The following ICA1L variants were observed in gnomAD, a reference collection of about 807,000 sequenced individuals.
ICA1L encodes islet cell autoantigen 1 like.
Under a neutral mutation model 61.3 loss-of-function variants are expected in ICA1L, and 50 were observed. That is an observed-to-expected ratio of 0.82 (90% CI 0.65 to 1.03). The LOEUF (loss-of-function observed/expected upper bound fraction) is 1.03, where lower values mean the gene tolerates loss of function less well. Ranked by LOEUF, ICA1L falls within the 50% of genes least tolerant of loss-of-function variation. The pLI is 0.00. For synonymous variants in ICA1L, 161 were observed against 191.3 expected (o/e 0.84, Z 1.31); for missense variants, 508 against 556.7 (o/e 0.91, Z 0.88).
intron 1 of ICA1L, among the ~76,000 whole-genome samples, chr2:202,853,962 T>C (rs1694701474): frequency 2.0e-5 from 3 of 152,086 alleles, no homozygotes; most frequent in Admixed American, 1.3e-4. Context: ...AGACCAATGA[T>C]ACTACGAAGA....
At chr2:202,863,752 G>A (rs140447331) in intron 1 of ICA1L, among the ~76,000 whole-genome samples, 3,581 of 151,544 alleles carry the variant, frequency 0.024, 145 homozygotes, top group African/African-American at 0.082. Flanking sequence ...GCATGAACCC[G>A]GGAGGCGGAG....
At chr2:202,837,378 G>T (rs1325275514) in intron 1 of ICA1L, among the ~76,000 whole-genome samples, 1 of 151,798 alleles carries the variant, frequency 6.6e-6, no homozygotes, top group Non-Finnish European at 1.5e-5. Flanking sequence ...CCACCTCCCG[G>T]GTTCACGCCA....
intron 1 of ICA1L, among the ~76,000 whole-genome samples, chr2:202,832,661 C>T (rs1043336216): frequency 1.3e-5 from 2 of 151,976 alleles, no homozygotes; most frequent in Admixed American, 1.3e-4. Context: ...CACCTGTAAT[C>T]CCAGCATTTT....
intron 1 of ICA1L, among the ~76,000 whole-genome samples, chr2:202,839,781 G>T (rs1360613831): frequency 5.3e-5 from 8 of 151,502 alleles, no homozygotes; most frequent in Non-Finnish European, 1.0e-4. Context: ...TTCCTTTCAT[G>T]CCTTCTTCCT....
intron 12 of ICA1L, 25 bp from the exon 13 acceptor site, chr2:202,779,673 T>G (rs747329719): frequency 7.7e-7 from 1 of 1,292,272 alleles, no homozygotes; most frequent in Non-Finnish European, 1.1e-6. Flanking sequence ...AAAAAATACA[T>G]TAAAGAGATT....
intron 5 of ICA1L, among the ~76,000 whole-genome samples, chr2:202,817,802 G>T (rs562273733): frequency 6.6e-6 from 1 of 152,246 alleles, no homozygotes; most frequent in Non-Finnish European, 1.5e-5. Context: ...AAAGCAAATA[G>T]TTTTTTAAAA....
intron 1 of ICA1L, chr2:202,840,323 G>A: frequency 2.1e-6 from 1 of 472,160 alleles, no homozygotes; most frequent in Non-Finnish European, 4.2e-6. Flanking sequence ...AGGAGCTGCT[G>A]CAGCTGTTCA....
chr2:202,795,541 GC>G (rs1692899539), intron 10 of ICA1L, among the ~76,000 whole-genome samples: 1 of 151,736 alleles, frequency 6.6e-6, no homozygotes, highest in Non-Finnish European at 1.5e-5. Context: ...GTTGCAGTGA[GC>G]CAAGATTGCA....
intron 1 of ICA1L, 75 bp from the exon 2 acceptor site, chr2:202,829,091 G>T: frequency 8.0e-7 from 1 of 1,256,094 alleles, no homozygotes; most frequent in Non-Finnish European, 1.1e-6. Flanking sequence ...GCTCACGCCT[G>T]TAATTCCACA....
At chr2:202,845,647 C>T (rs1303515846) in intron 1 of ICA1L, among the ~76,000 whole-genome samples, 1 of 151,242 alleles carries the variant, frequency 6.6e-6, no homozygotes, top group Non-Finnish European at 1.5e-5. Context: ...AAAAGGAATA[C>T]TTTATTCCTT....
intron 10 of ICA1L, among the ~76,000 whole-genome samples, chr2:202,792,680 C>A (rs1026742501): frequency 2.6e-5 from 4 of 152,050 alleles, no homozygotes; most frequent in Non-Finnish European, 4.4e-5. Flanking sequence ...GTGACACACG[C>A]CTGTAGTCCC....
intron 3 of ICA1L, among the ~76,000 whole-genome samples, chr2:202,824,274 GC>G (rs1693774404): frequency 6.6e-6 from 1 of 152,058 alleles, no homozygotes. Context: ...GGTGGCAGGT[GC>G]CTGTAATCCC....
chr2:202,864,627 A>ATATGTGTGTGTGTGTGTG (rs1553539140), intron 1 of ICA1L, among the ~76,000 whole-genome samples: 6 of 150,286 alleles, frequency 4.0e-5, no homozygotes, highest in Non-Finnish European at 8.9e-5. Flanking sequence ...GTATATATAT[A>ATATGTGTGTGTGTGTGTG]TGTGTGTGTG....
intron 1 of ICA1L, among the ~76,000 whole-genome samples, chr2:202,859,253 T>C (rs1016288144): frequency 2.6e-5 from 4 of 152,214 alleles, no homozygotes; most frequent in African/African-American, 7.2e-5. Flanking sequence ...TAGATTATAA[T>C]TGAATTCAGA....
rs1178726643 is a variant in ICA1L at position 202,778,664 on chromosome 2, A to T, written c.*869T>A. The T allele has an allele frequency of 6.6e-6, 1 of 152,608 alleles. No individual in the cohort carries two copies. The highest frequency in any genetic ancestry group is 2.4e-5 in the African/African-American group (1 of 41,456). The allele number at this position is 152,608 out of a possible 1,614,324, so 9.5% of individuals were successfully genotyped here. On this transcript the variant is annotated 3_prime_UTR_variant, in exon 13 of 13. Coordinates refer to ENST00000358299, the MANE Select transcript of ICA1L (RefSeq NM_001288622.3). ...AATACTATTGCCAGTTGCTTAGGGA[A>T]TATTCTCCCCTCATTTTATTTTCAG...
At chr2:202,859,947 A>C (rs1694866525) in intron 1 of ICA1L, among the ~76,000 whole-genome samples, 1 of 152,096 alleles carries the variant, frequency 6.6e-6, no homozygotes, top group Admixed American at 6.6e-5. Flanking sequence ...AGACCCTGTA[A>C]AATTAAGGGA....
rs543949481 is a variant in ICA1L at position 202,782,155 on chromosome 2, G to A, written c.1334-2507C>T. On this transcript the variant is annotated intron_variant, in intron 12 of 12. Transcript: ENST00000358299. ...GAGGTCAGGAATTTGAGACCAGCCT[G>A]GACAACATGGTGAAAACCCGTCCCT... Among the ~76,000 whole-genome samples the A allele has an allele frequency of 5.9e-5, 9 of 152,150 alleles. No homozygotes were observed. The East Asian group carries it at 1.6e-3, about 27-fold the overall frequency.
intron 1 of ICA1L, among the ~76,000 whole-genome samples, chr2:202,837,996 G>A (rs1574368025): frequency 6.6e-6 from 1 of 151,976 alleles, no homozygotes; most frequent in Non-Finnish European, 1.5e-5. Flanking sequence ...TGGGATTATA[G>A]GCGCCCACCA....
chr2:202,846,069 A>T lies in ICA1L; in HGVS notation c.-7-17053T>A, dbSNP rs543055558. On this transcript the variant is annotated intron_variant, in intron 1 of 12. Coordinates refer to ENST00000358299, the MANE Select transcript of ICA1L (RefSeq NM_001288622.3). ...GGGAACTGGTAGGAAATGCTCAAAA[A>T]TGTCGGCAATGGTTTTCTCTGCAGT... Among the ~76,000 whole-genome samples, 12 of 152,320 alleles carry T rather than the reference A, an allele frequency of 7.9e-5. No homozygotes were observed. The South Asian group carries it at 2.5e-3, about 32-fold the overall frequency.
Sources: allele counts gnomAD v4.1 joint callset (sites outside exome capture counted in the v4.1 genomes callset), GRCh38; gene constraint gnomAD v4.1.1; transcripts MANE v1.5; gene names NCBI Gene and HGNC (gene_info 2026-07-23, HGNC 2026-07-21).